Variants in MLIP observed in about 807,000 individuals in gnomAD.
MLIP encodes muscular LMNA interacting protein, also known as muscular LMNA-interacting protein.
Under a neutral mutation model 84.8 loss-of-function variants are expected in MLIP, and 79 were observed. That is an observed-to-expected ratio of 0.93 (90% confidence interval 0.78 to 1.12). The LOEUF is 1.12. Among genes scored for constraint, MLIP ranks in the 50% most tolerant of loss-of-function variants. MLIP has a pLI of 0.00. For missense variants in MLIP, 1,257 were observed against 1,160.6 expected (o/e 1.08, Z -1.21); for synonymous variants, 504 against 463.0 (o/e 1.09, Z -1.14).
chr6:54,046,208 A>C (rs1378360449), intron 1 of MLIP: 1 of 151,634 alleles, frequency 6.6e-6, no homozygotes, highest in Admixed American at 6.6e-5. Context: ...ATGTTGAATA[A>C]CCTAACTTAT....
intron 9 of MLIP, among the ~76,000 whole-genome samples, chr6:54,182,944 A>T (rs1777031573): frequency 6.6e-6 from 1 of 152,198 alleles, no homozygotes; most frequent in Non-Finnish European, 1.5e-5. Flanking sequence ...AGATGGAATT[A>T]TTAAATATTA....
chr6:54,236,071 C>T lies in MLIP; in HGVS notation c.2922+5154C>T, dbSNP rs183693662. Among the ~76,000 whole-genome samples, 16 of 152,260 alleles carry T rather than the reference C, an allele frequency of 1.1e-4. No homozygotes were observed. The East Asian group carries it at 2.9e-3, about 28-fold the overall frequency. On this transcript the variant is annotated intron_variant, in intron 12 of 13. Transcript: ENST00000502396. The stretch of plus-strand genomic sequence containing the variant: ...CCATTCTCTTGGATGCCCTACATAT[C>T]TTTCTCTGTTCTGTTCATGTCCCCT...
At chr6:54,145,617 T>C (rs1007302758) in intron 4 of MLIP, among the ~76,000 whole-genome samples, 1 of 150,320 alleles carries the variant, frequency 6.7e-6, no homozygotes, top group South Asian at 2.1e-4. Flanking sequence ...ACAAAAAAAA[T>C]AAAAAAAAAT....
chr6:54,136,682 C>T (rs1422972784), intron 3 of MLIP, 33 bp from the exon 4 acceptor site: 3 of 1,409,048 alleles, frequency 2.1e-6, no homozygotes, highest in Non-Finnish European at 2.8e-6. Context: ...AAATAATGTC[C>T]TATTTCAATC....
At chr6:54,123,333 C>A (rs1035410262) in intron 2 of MLIP, among the ~76,000 whole-genome samples, 2 of 151,876 alleles carry the variant, frequency 1.3e-5, no homozygotes, top group South Asian at 4.2e-4. Context: ...TACTTGTTAT[C>A]GGGAAGGCAG....
At chr6:54,217,678 T>C in intron 11 of MLIP, 1 of 984,174 alleles carries the variant, frequency 1.0e-6, no homozygotes, top group Non-Finnish European at 1.2e-6. Context: ...ATTAGTTCTA[T>C]GTATACTGAA....
chr6:54,085,774 C>T (rs946458065), intron 1 of MLIP, among the ~76,000 whole-genome samples: 13 of 152,144 alleles, frequency 8.5e-5, no homozygotes, highest in South Asian at 4.1e-4. Flanking sequence ...CATCTATTCA[C>T]GCTCATTTTC....
intron 1 of MLIP, among the ~76,000 whole-genome samples, chr6:54,076,378 C>T (rs1766804741): frequency 6.6e-6 from 1 of 152,206 alleles, no homozygotes; most frequent in African/African-American, 2.4e-5. Flanking sequence ...AGACTGATGT[C>T]TCTGGGCTCT....
chr6:54,037,830 A>C (rs1022579806), intron 1 of MLIP, among the ~76,000 whole-genome samples: 3 of 151,944 alleles, frequency 2.0e-5, no homozygotes, highest in African/African-American at 7.2e-5. Flanking sequence ...CAAACAATTA[A>C]TTCCAGTTCT....
chr6:54,258,377 G>A (rs1453008425), intron 13 of MLIP, among the ~76,000 whole-genome samples: 2 of 152,072 alleles, frequency 1.3e-5, no homozygotes, highest in African/African-American at 4.8e-5. Flanking sequence ...CATAGTATAA[G>A]ACTGATGTGG....
intron 9 of MLIP, among the ~76,000 whole-genome samples, chr6:54,183,743 G>GT (rs3996970): frequency 0.063 from 7,394 of 116,660 alleles, 521 homozygotes; most frequent in East Asian, 0.24. Flanking sequence ...GACAGGGTAA[G>GT]TTTTTTTTTT....
intron 1 of MLIP, among the ~76,000 whole-genome samples, chr6:54,042,792 ACAT>A (rs1764821110): frequency 6.6e-6 from 1 of 152,162 alleles, no homozygotes; most frequent in Non-Finnish European, 1.5e-5. Context: ...AATAAAGCTA[ACAT>A]CAGTTGAGTA....
chr6:54,179,267 C>T (rs1268084056), intron 9 of MLIP, among the ~76,000 whole-genome samples: 1 of 151,960 alleles, frequency 6.6e-6, no homozygotes, highest in Admixed American at 6.6e-5. Context: ...TTTTCCATCC[C>T]TTTATTTTCA....
intron 1 of MLIP, among the ~76,000 whole-genome samples, chr6:54,023,170 AAAT>A (rs3064622): frequency 0.24 from 24,739 of 102,934 alleles, 3,419 homozygotes; most frequent in East Asian, 0.77. Flanking sequence ...CCATCTCAAA[AAAT>A]AATAATAATA....
intron 1 of MLIP, among the ~76,000 whole-genome samples, chr6:54,023,580 A>C (rs914102102): frequency 6.6e-6 from 1 of 151,998 alleles, no homozygotes; most frequent in African/African-American, 2.4e-5. Context: ...TAATTAATTT[A>C]TTTTTTGAGA....
chr6:54,055,855 C>T (rs760961725), intron 1 of MLIP, among the ~76,000 whole-genome samples: 4 of 152,046 alleles, frequency 2.6e-5, no homozygotes, highest in Non-Finnish European at 5.9e-5. Context: ...CTGCTAAACT[C>T]CTTGAGGGCA....
At chr6:54,255,039 T>G (rs547542519) in intron 12 of MLIP, among the ~76,000 whole-genome samples, 3 of 152,108 alleles carry the variant, frequency 2.0e-5, no homozygotes, top group African/African-American at 7.2e-5. Flanking sequence ...TTCATAGTTA[T>G]ACCAGCCAGC....
intron 10 of MLIP, among the ~76,000 whole-genome samples, chr6:54,197,970 T>A (rs2792639): frequency 0.93 from 141,010 of 152,140 alleles, 66,250 homozygotes; most frequent in East Asian, 1. Flanking sequence ...ACACACAAAG[T>A]TGCAATGTAG....
chr6:54,221,227 C>G (rs1780198358), intron 11 of MLIP, among the ~76,000 whole-genome samples: 1 of 152,008 alleles, frequency 6.6e-6, no homozygotes, highest in African/African-American at 2.4e-5. Flanking sequence ...AACTCATACC[C>G]CAAACCCTGG....
Sources: gnomAD v4.1 joint callset for allele counts (sites outside exome capture counted in the v4.1 genomes callset) on GRCh38, gnomAD v4.1.1 for gene constraint, MANE v1.5 for transcripts, NCBI Gene and HGNC (gene_info 2026-07-23, HGNC 2026-07-21) for gene names.